The following DARS2 variants were observed in gnomAD, a reference collection of about 807,000 sequenced individuals.
The protein encoded by DARS2 is aspartate--tRNA ligase, mitochondrial.
A neutral mutation model predicts 83.0 loss-of-function variants in DARS2; 63 were observed. That is an observed-to-expected ratio of 0.76 (90% CI 0.62 to 0.94). DARS2 has a LOEUF of 0.94. DARS2 is among the 40% of genes least tolerant of loss of function. DARS2 has a pLI of 0.00. For synonymous variants in DARS2, 250 were observed against 269.3 expected, an observed-to-expected ratio of 0.93 and a Z score of 0.70; for missense variants, 675 against 774.4, an observed-to-expected ratio of 0.87 and a Z score of 1.52.
intron 12 of DARS2, among the ~76,000 whole-genome samples, chr1:173,849,825 C>A (rs73037076): frequency 3.3e-5 from 5 of 151,086 alleles, no homozygotes; most frequent in Middle Eastern, 3.4e-3. Flanking sequence ...CTCCATTCTT[C>A]ATCCCCTCCC....
At chr1:173,828,513 T>A in intron 3 of DARS2, 114 bp downstream of exon 3, 2 of 992,164 alleles carry the variant, frequency 2.0e-6, no homozygotes, top group South Asian at 1.4e-5. Flanking sequence ...TTATTGTTAA[T>A]GAAAACTGAA....
intron 13 of DARS2, among the ~76,000 whole-genome samples, chr1:173,852,686 G>A (rs1359836013): frequency 6.6e-6 from 1 of 151,968 alleles, no homozygotes; most frequent in African/African-American, 2.4e-5. Context: ...TGTATTTTTA[G>A]TAGTGACGGG....
chr1:173,832,042 G>C (rs1285937939), intron 5 of DARS2, among the ~76,000 whole-genome samples: 1 of 152,148 alleles, frequency 6.6e-6, no homozygotes, highest in Non-Finnish European at 1.5e-5. Flanking sequence ...GACCTCCCAA[G>C]CATATAAATA....
intron 13 of DARS2, 43 bp from the exon 14 acceptor site, chr1:173,853,301 CCTGCT>C (rs1653742391): frequency 5.1e-6 from 8 of 1,578,856 alleles, no homozygotes; most frequent in Non-Finnish European, 7.0e-6. Context: ...TCATTTCCTG[CCTGCT>C]CTGTCAAGAA....
rs567169031 is a variant in DARS2, at chr1:173,842,255, A to AGAACTCAG, written c.1128+1291_1128+1298dup. Among the ~76,000 whole-genome samples the AGAACTCAG allele has an allele frequency of 4.6e-4, 68 of 148,052 alleles. 1 individual carries two copies. Among genetic ancestry groups the AGAACTCAG allele is most frequent in the Admixed American group, 4.5e-3 (66 of 14,560 alleles). On this transcript the variant is annotated intron_variant, in intron 11 of 16. Transcript: ENST00000649689. ...TAAGCATTATATTCAGAATGGAGTA[A>AGAACTCAG]GAACTCAGGAACTCAGTCTCATTAC...
At chr1:173,836,472 G>A (rs1653008940) in intron 7 of DARS2, among the ~76,000 whole-genome samples, 1 of 151,924 alleles carries the variant, frequency 6.6e-6, no homozygotes, top group African/African-American at 2.4e-5. Context: ...CAACCTGGGA[G>A]GAGGAGGTTG....
chr1:173,850,220 A>C, intron 12 of DARS2, 107 bp from the exon 13 acceptor site: 1 of 1,259,242 alleles, frequency 7.9e-7, no homozygotes, highest in Admixed American at 2.7e-5. Flanking sequence ...ATCTCTTTTA[A>C]ATTCTCTTCT....
intron 10 of DARS2, among the ~76,000 whole-genome samples, chr1:173,839,844 A>C (rs1279267351): frequency 2.6e-5 from 4 of 152,190 alleles, no homozygotes; most frequent in South Asian, 2.1e-4. Context: ...AAAAATAACT[A>C]TTCTTTCCTT....
chr1:173,852,283 T>C (rs1395659021), intron 13 of DARS2: 1 of 981,650 alleles, frequency 1.0e-6, no homozygotes, highest in Non-Finnish European at 1.2e-6. Context: ...ATTAAGCACT[T>C]AGTATTTGCC....
chr1:173,826,818 G>C (rs1247280956), intron 2 of DARS2, 32 bp downstream of exon 2: 9 of 1,504,110 alleles, frequency 6.0e-6, no homozygotes, highest in Non-Finnish European at 8.3e-6. Flanking sequence ...AAGAATGCAT[G>C]GTGGTGGTTT....
In DARS2 at chr1:173,831,548, G is replaced by A; in HGVS notation, c.410G>A (p.Gly137Asp). The change falls in exon 5 of 17, where the codon GGT becomes GAT. Residue 137 changes from glycine (G) to aspartate (D), a missense_variant. Gly to Asp is a moderately conservative substitution (Grantham distance 94, BLOSUM62 -1). Transcript: ENST00000649689. ...AGQENPKMPT[G>D]EIEIKVKTAE... ...TCACTCTCCAAGAAAATGCCAACAG[G>A]TGAGATTGAAATCAAAGTTAAAACA... 6.2e-7 allele frequency: 1 copy of A among 1,613,862 alleles called. No homozygotes were observed. Among genetic ancestry groups the A allele is most frequent in the South Asian group, 1.1e-5 (1 of 91,076 alleles).
chr1:173,854,114 T>A (rs200992829), intron 15 of DARS2, among the ~76,000 whole-genome samples: 1 of 152,156 alleles, frequency 6.6e-6, no homozygotes, highest in East Asian at 1.9e-4. Flanking sequence ...TAGCTGTGAC[T>A]ACAGGCACAT....
chr1:173,845,497 T>C (rs915969185), intron 12 of DARS2, among the ~76,000 whole-genome samples: 14 of 152,206 alleles, frequency 9.2e-5, no homozygotes, highest in Non-Finnish European at 2.9e-5. Flanking sequence ...AGTGTTGCCA[T>C]AACAGCTCAC....
chr1:173,835,310 C>T (rs1015483451), intron 7 of DARS2, among the ~76,000 whole-genome samples: 2 of 151,210 alleles, frequency 1.3e-5, no homozygotes, highest in Non-Finnish European at 3.0e-5. Flanking sequence ...CAGCTGGTCT[C>T]GAAATCCTGA....
chr1:173,831,108 G>C (rs1346472435), intron 4 of DARS2, among the ~76,000 whole-genome samples: 1 of 152,012 alleles, frequency 6.6e-6, no homozygotes. Context: ...GCAGAGAGAG[G>C]GTTTCACCAT....
intron 7 of DARS2, 142 bp downstream of exon 7, chr1:173,834,661 G>A: frequency 3.7e-6 from 1 of 267,870 alleles, no homozygotes. Context: ...GAAGAATTGA[G>A]AAAATTATTT....
chr1:173,835,736 G>T (rs1430433850), intron 7 of DARS2, among the ~76,000 whole-genome samples: 1 of 151,488 alleles, frequency 6.6e-6, no homozygotes, highest in African/African-American at 2.4e-5. Flanking sequence ...TGGCCAACAT[G>T]GTGAAACCTT....
intron 4 of DARS2, among the ~76,000 whole-genome samples, chr1:173,831,195 G>A (rs950526084): frequency 6.7e-6 from 1 of 149,732 alleles, no homozygotes; most frequent in East Asian, 2.0e-4. Flanking sequence ...GATTACAGGC[G>A]TGAGCCACCG....
At chr1:173,842,284 CTTTTTTTTTTTTTTTTTT>C (rs1178547914) in intron 11 of DARS2, among the ~76,000 whole-genome samples, 3 of 64,224 alleles carry the variant, frequency 4.7e-5, no homozygotes, top group Admixed American at 2.6e-4. Flanking sequence ...TCATTACTTT[CTTTTTTTTTTTTTTTTTT>C]TTTTTTTTTT....
Sources: allele counts gnomAD v4.1 joint callset (sites outside exome capture counted in the v4.1 genomes callset), GRCh38; gene constraint gnomAD v4.1.1; transcripts MANE v1.5; gene names NCBI Gene and HGNC (gene_info 2026-07-23, HGNC 2026-07-21).